Variants in GRIK1 observed in about 807,000 individuals in gnomAD.
GRIK1 encodes glutamate ionotropic receptor kainate type subunit 1.
Under a neutral mutation model 105.7 loss-of-function variants are expected in GRIK1, and 69 were observed. The observed-to-expected ratio is 0.65, with a 90% confidence interval of 0.54 to 0.80. The LOEUF is 0.80. Ranked by LOEUF, GRIK1 falls within the 30% of genes least tolerant of loss-of-function variation. The pLI is 0.00. For synonymous variants in GRIK1, 438 were observed against 431.3 expected, an observed-to-expected ratio of 1.02 and a Z score of -0.19; for missense variants, 1,109 against 1,167.3, an observed-to-expected ratio of 0.95 and a Z score of 0.73.
At chr21:29,689,291 G>A (rs910834368) in intron 3 of GRIK1, among the ~76,000 whole-genome samples, 7 of 152,112 alleles carry the variant, frequency 4.6e-5, no homozygotes, top group Admixed American at 6.5e-5. Flanking sequence ...CACTCTATTG[G>A]TACAACCTCT....
At chr21:29,797,492 G>A (rs2066591707) in intron 1 of GRIK1, among the ~76,000 whole-genome samples, 1 of 152,076 alleles carries the variant, frequency 6.6e-6, no homozygotes, top group South Asian at 2.1e-4. Flanking sequence ...CAATGTATAC[G>A]GGGAAGCTGT....
At chr21:29,560,279 TTTTCTTTC>T (rs56295343) in intron 15 of GRIK1, among the ~76,000 whole-genome samples, 2,938 of 69,850 alleles carry the variant, frequency 0.042, 127 homozygotes, top group Non-Finnish European at 0.054. Context: ...TATGATACAG[TTTTCTTTC>T]TTTCTTTCTT....
At chr21:29,689,207 G>T (rs1456316157) in intron 3 of GRIK1, among the ~76,000 whole-genome samples, 1 of 152,134 alleles carries the variant, frequency 6.6e-6, no homozygotes, top group Non-Finnish European at 1.5e-5. Flanking sequence ...CCTGCACCCT[G>T]AACAAGCACA....
At chr21:29,920,913 A>G (rs1162600349) in intron 1 of GRIK1, among the ~76,000 whole-genome samples, 1 of 151,492 alleles carries the variant, frequency 6.6e-6, no homozygotes, top group Non-Finnish European at 1.5e-5. Flanking sequence ...CGTTCATACC[A>G]TCTGAGAATA....
rs535207923 is a variant in GRIK1 at position 29,879,344 on chromosome 21, G to A, written c.118+60039C>T. Among the ~76,000 whole-genome samples, 6 of 152,182 alleles carry A rather than the reference G, an allele frequency of 3.9e-5. No individual in the cohort carries two copies. The South Asian group carries it at 1.0e-3, about 26-fold the overall frequency. ...AAAGAGCTGCCAACTGTGGTACCCA[G>A]GAGAAGCAAAAGAGTAAAGAGGGAG... On this transcript the variant is annotated intron_variant, in intron 1 of 17. Coordinates refer to ENST00000327783, the MANE Select transcript of GRIK1 (RefSeq NM_001330994.2).
intron 4 of GRIK1, among the ~76,000 whole-genome samples, chr21:29,657,143 C>A (rs780088646): frequency 6.6e-6 from 1 of 152,094 alleles, no homozygotes; most frequent in Non-Finnish European, 1.5e-5. Context: ...GTAATTGCAG[C>A]CAAGATTACC....
chr21:29,845,443 C>A lies in GRIK1; in HGVS notation c.118+93940G>T, dbSNP rs143321109. ...TGTCATGTTTCTGTGGTTTTTATTT[C>A]TGTTAATCCTGCGTTGGTTACTCAA... On this transcript the variant is annotated intron_variant, in intron 1 of 17. Transcript: ENST00000327783. 5.3e-3 allele frequency among the ~76,000 whole-genome samples: 805 copies of A among 152,140 alleles called. 7 individuals carry two copies. Among genetic ancestry groups the A allele is most frequent in the African/African-American group, 0.019 (785 of 41,536 alleles).
chr21:29,678,383 A>G (rs1299369026), intron 3 of GRIK1, among the ~76,000 whole-genome samples: 2 of 152,206 alleles, frequency 1.3e-5, no homozygotes, highest in Non-Finnish European at 2.9e-5. Flanking sequence ...GAGTCTTCCC[A>G]AAAGAAAAAT....
At chr21:29,668,733 C>A (rs1172372811) in intron 4 of GRIK1, among the ~76,000 whole-genome samples, 1 of 152,206 alleles carries the variant, frequency 6.6e-6, no homozygotes, top group Admixed American at 6.5e-5. Flanking sequence ...GTAGAGCTTT[C>A]TTGCCCTTTG....
chr21:29,638,586 A>G (rs1157187304), intron 7 of GRIK1, among the ~76,000 whole-genome samples: 2 of 152,240 alleles, frequency 1.3e-5, no homozygotes, highest in Non-Finnish European at 2.9e-5. Flanking sequence ...TTAAAAACAT[A>G]ATCCTCACAT....
intron 14 of GRIK1, among the ~76,000 whole-genome samples, chr21:29,572,060 G>C (rs1479483707): frequency 1.3e-5 from 2 of 152,178 alleles, no homozygotes; most frequent in Non-Finnish European, 2.9e-5. Flanking sequence ...TGATGGCACA[G>C]CAGAGGTGAA....
intron 1 of GRIK1, among the ~76,000 whole-genome samples, chr21:29,916,114 T>TC (rs2070986674): frequency 6.6e-6 from 1 of 150,798 alleles, no homozygotes; most frequent in Non-Finnish European, 1.5e-5. Flanking sequence ...TTATCTAGTT[T>TC]CTTTTCTTTG....
At chr21:29,829,523 T>G (rs1171522490) in intron 1 of GRIK1, among the ~76,000 whole-genome samples, 17 of 152,178 alleles carry the variant, frequency 1.1e-4, no homozygotes, top group Admixed American at 1.1e-3. Flanking sequence ...TGAATTAATG[T>G]TTGATGGTGA....
chr21:29,842,549 T>G (rs2068011023), intron 1 of GRIK1, among the ~76,000 whole-genome samples: 1 of 152,226 alleles, frequency 6.6e-6, no homozygotes, highest in Non-Finnish European at 1.5e-5. Context: ...CATTCATTAT[T>G]TGGCAGAGCA....
chr21:29,643,132 A>G (rs2062548715), intron 6 of GRIK1, among the ~76,000 whole-genome samples, 163 bp from the exon 7 acceptor site: 3 of 152,166 alleles, frequency 2.0e-5, no homozygotes, highest in African/African-American at 7.2e-5. Flanking sequence ...ATTTTTCTCC[A>G]AAATAATACC....
chr21:29,859,404 A>AC lies in GRIK1; in HGVS notation c.118+79978_118+79979insG, dbSNP rs931308805. ...TAAAATAAAATGAAATAAAAAAACA[A>AC]AAAAAAATAAATTGTAAGAAGGCTC... On this transcript the variant is annotated intron_variant, in intron 1 of 17. Transcript: ENST00000327783. Among the ~76,000 whole-genome samples the AC allele has an allele frequency of 1.8e-4, 27 of 151,204 alleles. No homozygotes were observed. The East Asian group carries it at 2.5e-3, about 14-fold the overall frequency.
chr21:29,802,396 GTC>G (rs893149686), intron 1 of GRIK1, among the ~76,000 whole-genome samples: 9 of 151,842 alleles, frequency 5.9e-5, no homozygotes, highest in African/African-American at 2.2e-4. Flanking sequence ...CCCTCTTTCA[GTC>G]TCTCTCTCTT....
chr21:29,820,501 C>A (rs1425101185), intron 1 of GRIK1, among the ~76,000 whole-genome samples: 1 of 151,916 alleles, frequency 6.6e-6, no homozygotes, highest in East Asian at 1.9e-4. Flanking sequence ...AAATAGGTAG[C>A]AGAATGGGGA....
intron 1 of GRIK1, among the ~76,000 whole-genome samples, chr21:29,798,635 T>G (rs1274284174): frequency 2.0e-5 from 3 of 152,208 alleles, no homozygotes; most frequent in African/African-American, 4.8e-5. Flanking sequence ...CCTGCATTTC[T>G]CAAAGAATTT....
Sources: allele counts gnomAD v4.1 joint callset (sites outside exome capture counted in the v4.1 genomes callset), GRCh38; gene constraint gnomAD v4.1.1; transcripts MANE v1.5; gene names NCBI Gene and HGNC (gene_info 2026-07-23, HGNC 2026-07-21).